Variants in UBXN2B observed in about 807,000 individuals in gnomAD.
UBXN2B encodes UBX domain protein 2B.
Under a neutral mutation model 37.5 loss-of-function variants are expected in UBXN2B, and 19 were observed. The ratio of observed to expected loss-of-function variants is 0.51; its 90% confidence interval spans 0.35 to 0.74. The LOEUF is 0.74. Among genes scored for constraint, UBXN2B ranks in the 30% least tolerant of loss-of-function variants. The pLI, the probability that UBXN2B is intolerant of heterozygous loss-of-function variation, is 0.01. For synonymous variants in UBXN2B, 145 were observed against 143.8 expected, an observed-to-expected ratio of 1.01 and a Z score of -0.06; for missense variants, 370 against 393.2, an observed-to-expected ratio of 0.94 and a Z score of 0.50.
At chr8:58,416,696 G>A (rs1322946474) in intron 1 of UBXN2B, among the ~76,000 whole-genome samples, 154 bp from the exon 2 acceptor site, 2 of 152,302 alleles carry the variant, frequency 1.3e-5, no homozygotes, top group Admixed American at 1.3e-4. Context: ...GATGCAGTAA[G>A]TTTATTTCAG....
chr8:58,434,594 C>A, intron 5 of UBXN2B, 90 bp downstream of exon 5: 3 of 1,030,698 alleles, frequency 2.9e-6, no homozygotes, highest in South Asian at 2.1e-5. Context: ...TACGGGTTTT[C>A]AAGAAGTAGT....
intron 1 of UBXN2B, among the ~76,000 whole-genome samples, chr8:58,412,565 C>G (rs540140298): frequency 6.6e-6 from 1 of 152,324 alleles, no homozygotes; most frequent in East Asian, 1.9e-4. Context: ...ATAGTTCCAG[C>G]TCCCATAGTT....
intron 1 of UBXN2B, among the ~76,000 whole-genome samples, chr8:58,412,644 C>T (rs976313335): frequency 6.6e-6 from 1 of 152,140 alleles, no homozygotes; most frequent in African/African-American, 2.4e-5. Context: ...CTATTATAAA[C>T]CCACATCACT....
intron 5 of UBXN2B, chr8:58,434,930 T>C (rs1192660445): frequency 2.0e-6 from 3 of 1,535,514 alleles, no homozygotes; most frequent in South Asian, 1.2e-5. Context: ...GCATTACTGC[T>C]GGCAGAAGAT....
chr8:58,430,491 T>G, intron 2 of UBXN2B, 28 bp from the exon 3 acceptor site: 4 of 1,468,204 alleles, frequency 2.7e-6, no homozygotes, highest in Non-Finnish European at 3.6e-6. Flanking sequence ...TATCCTAAGT[T>G]TTTATTCATG....
chr8:58,451,221 A>G lies in UBXN2B; in HGVS notation c.*3670A>G, dbSNP rs779714037. 1.3e-5 allele frequency: 2 copies of G among 152,556 alleles called. No homozygotes were observed. Among genetic ancestry groups the G allele is most frequent in the East Asian group, 3.9e-4 (2 of 5,190 alleles). 9.5% of individuals were successfully genotyped at this position (152,556 alleles called of 1,614,324 possible). A position where few individuals can be genotyped will look rare whatever the true frequency, so the allele number is the denominator to read the frequency against. ...ATACAAAAACAACTGCCATTTTTGTATATAATAGTCTTCCAAGATAGAGAT... is the reference window on the plus strand; with the variant it reads ...ATACAAAAACAACTGCCATTTTTGTGTATAATAGTCTTCCAAGATAGAGAT... On this transcript the variant is annotated 3_prime_UTR_variant, in exon 8 of 8. Coordinates refer to ENST00000399598, the MANE Select transcript of UBXN2B (RefSeq NM_001077619.2).
rs1228463972 is a variant in UBXN2B at position 58,448,622 on chromosome 8, C to G, written c.*1071C>G. On this transcript the variant is annotated 3_prime_UTR_variant, in exon 8 of 8. Transcript: ENST00000399598. ...GGAAACTCACTGTATACACTAAACA[C>G]TATTCTGTGTGCTCAACCTAGAATG... is the stretch of plus-strand genomic sequence containing the variant. 6.6e-6 allele frequency: 1 copy of G among 152,542 alleles called. No individual in the cohort carries two copies. The highest frequency in any genetic ancestry group is 2.4e-5 in the African/African-American group (1 of 41,440). 9.4% of individuals were successfully genotyped at this position (152,542 alleles called of 1,614,324 possible).
intron 2 of UBXN2B, among the ~76,000 whole-genome samples, chr8:58,422,617 T>C (rs1807957779): frequency 6.6e-6 from 1 of 152,260 alleles, no homozygotes; most frequent in Non-Finnish European, 1.5e-5. Flanking sequence ...CTGTTAGGGC[T>C]GTTCCTTCTC....
rs549117231 is a variant in UBXN2B at position 58,439,616 on chromosome 8, T to G, written c.534-17T>G. 6.3e-7 allele frequency: 1 copy of G among 1,587,750 alleles called. No individual in the cohort carries two copies. Among genetic ancestry groups the G allele is most frequent in the African/African-American group, 1.4e-5 (1 of 73,120 alleles). On this transcript the variant is annotated splice_polypyrimidine_tract_variant and intron_variant, in intron 5 of 7. Transcript: ENST00000399598. ...TTGGAAAACTTAATGATAACTTTTT[T>G]CCCCCCTTTTTAAAAGAGAGATTCC... is the stretch of plus-strand genomic sequence containing the variant.
At chr8:58,430,707 T>C (rs1808250095) in intron 3 of UBXN2B, 38 bp downstream of exon 3, 3 of 1,342,204 alleles carry the variant, frequency 2.2e-6, no homozygotes, top group Non-Finnish European at 1.9e-6. Context: ...ATTGTTTCTA[T>C]ATTTTACCTC....
At chr8:58,415,256 A>G (rs1397338621) in intron 1 of UBXN2B, among the ~76,000 whole-genome samples, 1 of 152,124 alleles carries the variant, frequency 6.6e-6, no homozygotes, top group Non-Finnish European at 1.5e-5. Context: ...CCTTTGAAAT[A>G]CAGATGACAT....
At chr8:58,416,975 T>G (rs1231214859) in intron 2 of UBXN2B, 22 bp downstream of exon 2, 1 of 1,542,084 alleles carries the variant, frequency 6.5e-7, no homozygotes. Context: ...TTTGTTTTGT[T>G]GTAAAAAGAA....
intron 6 of UBXN2B, among the ~76,000 whole-genome samples, chr8:58,440,392 A>C (rs559463383): frequency 6.6e-6 from 1 of 152,242 alleles, no homozygotes; most frequent in African/African-American, 2.4e-5. Context: ...CCCTTTTTTC[A>C]AGTCATGGAA....
At chr8:58,445,645 C>T (rs556159202) in intron 6 of UBXN2B, among the ~76,000 whole-genome samples, 91 of 152,136 alleles carry the variant, frequency 6.0e-4, no homozygotes, top group Admixed American at 2.0e-3. Flanking sequence ...CAGAGTTGCT[C>T]GTATTTCTAA....
chr8:58,423,997 C>T (rs10957054), intron 2 of UBXN2B, among the ~76,000 whole-genome samples: 110,398 of 151,638 alleles, frequency 0.73, 40,889 homozygotes, highest in African/African-American at 0.87. Context: ...TATGACTCTT[C>T]AATGCCAATG....
rs765393348 is a variant in UBXN2B at position 58,434,365 on chromosome 8, A to ATT, written c.424-29_424-28insTT. ...TATATGTGAATATATATATATATAT[A>ATT]TATATTTTTTTTTTTTCTATACCCA... On this transcript the variant is annotated intron_variant, in intron 4 of 7. Transcript: ENST00000399598. The ATT allele has an allele frequency of 3.8e-4, 214 of 558,438 alleles. 1 individual carries two copies. The African/African-American group carries it at 5.9e-3, about 15-fold the overall frequency. 34.6% of individuals were successfully genotyped at this position (558,438 alleles called of 1,614,324 possible). A position where few individuals can be genotyped will look rare whatever the true frequency, so the allele number is the denominator to read the frequency against.
chr8:58,434,460 C>A lies in UBXN2B; in HGVS notation c.489C>A (p.Tyr163Ter). Residue 163 changes from tyrosine to a stop codon, truncating the protein, a stop_gained, in exon 5 of 8, where the codon TAC (tyrosine) becomes TAA (stop). Coordinates refer to ENST00000399598, the MANE Select transcript of UBXN2B (RefSeq NM_001077619.2). LOFTEE classifies it high-confidence loss of function. ...FSLDDGELRP[Y>*]NEPTNAQFLE... is the part of the protein sequence containing the mutation. ...TAGATGATGGAGAATTGAGACCTTA[C>A]AATGAACCAACAAATGCTCAATTTC... 3 of 1,558,800 alleles carry A rather than the reference C, an allele frequency of 1.9e-6. No homozygotes were observed. Among genetic ancestry groups the A allele is most frequent in the Admixed American group, 1.9e-5 (1 of 52,714 alleles).
chr8:58,432,365 T>G (rs1808300974), intron 3 of UBXN2B, among the ~76,000 whole-genome samples: 1 of 148,500 alleles, frequency 6.7e-6, no homozygotes, highest in Middle Eastern at 3.4e-3. Context: ...TTTTGTACCT[T>G]TCTAAATTTC....
intron 3 of UBXN2B, among the ~76,000 whole-genome samples, chr8:58,431,110 A>ACCCAC (rs1200832131): frequency 1.3e-5 from 2 of 152,072 alleles, no homozygotes; most frequent in Non-Finnish European, 2.9e-5. Flanking sequence ...TTGCACTCAC[A>ACCCAC]CCCACCCCGT....
Sources: gnomAD v4.1 joint callset for allele counts (sites outside exome capture counted in the v4.1 genomes callset) on GRCh38, gnomAD v4.1.1 for gene constraint, MANE v1.5 for transcripts, NCBI Gene and HGNC (gene_info 2026-07-23, HGNC 2026-07-21) for gene names.